SLC11A2: variants seen among roughly 807,000 people sequenced by gnomAD.
SLC11A2 encodes the protein solute carrier family 11 member 2.
In SLC11A2, 38 loss-of-function variants were observed where a neutral mutation model predicts 68.0. The observed-to-expected ratio is 0.56, with a 90% CI of 0.43 to 0.73. SLC11A2 has a LOEUF of 0.73. Among genes scored for constraint, SLC11A2 ranks in the 30% least tolerant of loss-of-function variants. SLC11A2 has a pLI of 0.00. For synonymous variants in SLC11A2, 242 were observed against 250.6 expected (o/e 0.97, Z 0.32); for missense variants, 517 against 690.5 (o/e 0.75, Z 2.82).
chr12:50,988,793 G>T (rs1272618030), intron 15 of SLC11A2, among the ~76,000 whole-genome samples: 1 of 151,994 alleles, frequency 6.6e-6, no homozygotes, highest in Non-Finnish European at 1.5e-5. Flanking sequence ...GCTCACTGAA[G>T]CCTCGAATTC....
At position 51,001,708 on chromosome 12, in the gene SLC11A2, C is replaced by A. The variant is rs141096620; in HGVS notation, c.430-1289G>T. On this transcript the variant is annotated intron_variant, in intron 5 of 15. Coordinates refer to ENST00000262052, the MANE Select transcript of SLC11A2 (RefSeq NM_000617.3). ...AAGTATCCAGGCATGATGGCATACA[C>A]CTGTAGTCCCAACTACTTGGGAGGC... Among the ~76,000 whole-genome samples the A allele has an allele frequency of 2.8e-3, 419 of 151,700 alleles. 1 individual carries two copies. The highest frequency in any genetic ancestry group is 9.5e-3 in the African/African-American group (391 of 41,346).
intron 5 of SLC11A2, 77 bp downstream of exon 5, chr12:51,004,711 T>C (rs1942569055): frequency 6.5e-7 from 1 of 1,547,652 alleles, no homozygotes. Context: ...CACTATAGAA[T>C]GAGGCCAGCA....
chr12:50,963,059 GGAAAGGAATTAGAAAA>G, the SLC11A2 span, among the ~76,000 whole-genome samples: 19 of 152,072 alleles, frequency 1.2e-4, no homozygotes, highest in South Asian at 8.3e-4. Context: ...AAGTGAGCCG[GGAAAGGAATTAGAAAA>G]GAAAGGAAAG....
At position 51,000,412 on chromosome 12, in the gene SLC11A2, C is replaced by T. The variant is rs769542192; in HGVS notation, c.437G>A (p.Arg146Gln). The T allele has an allele frequency of 4.3e-6, 7 of 1,611,784 alleles. No individual in the cohort carries two copies. Among genetic ancestry groups the T allele is most frequent in the Admixed American group, 1.7e-5 (1 of 60,002 alleles). Residue 146 changes from arginine to glutamine, a missense_variant, in exon 6 of 16, where the codon CGA (arginine) becomes CAA (glutamine). Coordinates refer to ENST00000262052, the MANE Select transcript of SLC11A2 (RefSeq NM_000617.3). ...CTCCACCATCAGCCACAGGATGACT[C>T]GTGGGACCTAAACATCAAACAGTAG... The part of the protein sequence containing the change: ...VCHRQYPKVP[R>Q]VILWLMVELA...
chr12:51,010,087 G>A (rs422637), intron 2 of SLC11A2, among the ~76,000 whole-genome samples: 105,155 of 151,400 alleles, frequency 0.69, 37,684 homozygotes, highest in East Asian at 0.87. Context: ...GTGATGCTGA[G>A]GCAGGAGAAT....
the SLC11A2 span, among the ~76,000 whole-genome samples, chr12:50,965,876 A>T: frequency 2.6e-5 from 4 of 152,176 alleles, no homozygotes; most frequent in African/African-American, 9.7e-5. Context: ...CTCCCTCTTC[A>T]TTCAAGGGAT....
intron 5 of SLC11A2, 164 bp from the exon 6 acceptor site, chr12:51,000,583 C>A (rs930324236): frequency 3.1e-6 from 2 of 651,262 alleles, no homozygotes; most frequent in South Asian, 1.8e-5. Context: ...CCGATCACTG[C>A]ACTGTGGCTC....
At position 50,990,941 on chromosome 12, in the gene SLC11A2, GCCAGCC is replaced by G; in HGVS notation, c.1423_1428del (p.Gly475_Trp476del). 1 of 1,611,508 alleles carries G rather than the reference GCCAGCC, an allele frequency of 6.2e-7. No individual in the cohort carries two copies. Among genetic ancestry groups the G allele is most frequent in the Non-Finnish European group, 8.5e-7 (1 of 1,179,370 alleles). ...AGGACCAAGATTCCTCCTGCAATCCGCCAGCCTCTGTAAAAGAAATCAGCACAGTCA... is the reference window on the plus strand; with the variant it reads ...AGGACCAAGATTCCTCCTGCAATCCGTCTGTAAAAGAAATCAGCACAGTCA... On this transcript the variant is annotated inframe_deletion and splice_region_variant, in exon 15 of 16. Coordinates refer to ENST00000262052, the MANE Select transcript of SLC11A2 (RefSeq NM_000617.3).
At chr12:51,000,190 T>G in intron 6 of SLC11A2, 123 bp downstream of exon 6, 1 of 743,550 alleles carries the variant, frequency 1.3e-6, no homozygotes, top group African/African-American at 1.7e-5. Flanking sequence ...TCCAGAAAGG[T>G]TCCACAGAAG....
At chr12:51,015,872 T>C (rs555847694) in intron 1 of SLC11A2, among the ~76,000 whole-genome samples, 1 of 152,288 alleles carries the variant, frequency 6.6e-6, no homozygotes, top group East Asian at 1.9e-4. Flanking sequence ...TTAAATGTAA[T>C]ATGACTATTT....
chr12:51,025,990 CG>C, intron 1 of SLC11A2: 1 of 1,022,828 alleles, frequency 9.8e-7, no homozygotes, highest in Non-Finnish European at 1.2e-6. Flanking sequence ...CGACACAGGC[CG>C]GGCGCGCCAT....
downstream of SLC11A2, among the ~76,000 whole-genome samples, chr12:50,983,498 C>A (rs950293182): frequency 6.6e-6 from 1 of 152,118 alleles, no homozygotes; most frequent in Non-Finnish European, 1.5e-5. Flanking sequence ...ACTTTTGGAG[C>A]CTTATTCTAC....
At chr12:51,012,894 C>A (rs1438427702) in intron 1 of SLC11A2, among the ~76,000 whole-genome samples, 3 of 152,180 alleles carry the variant, frequency 2.0e-5, no homozygotes, top group Non-Finnish European at 4.4e-5. Context: ...GACAATAGCA[C>A]CTCACCTAAA....
chr12:50,983,151 T>G (rs1940214423), downstream of SLC11A2, among the ~76,000 whole-genome samples: 1 of 152,166 alleles, frequency 6.6e-6, no homozygotes, highest in Admixed American at 6.5e-5. Flanking sequence ...GCCTCCCAAG[T>G]AGCTAGGACT....
chr12:51,021,567 C>T (rs888605936), intron 1 of SLC11A2, among the ~76,000 whole-genome samples: 1 of 151,136 alleles, frequency 6.6e-6, no homozygotes, highest in Non-Finnish European at 1.5e-5. Flanking sequence ...GCAGAGGTTG[C>T]GGTGAGCTGA....
In SLC11A2 at chr12:51,005,345, G is replaced by C. The variant is rs1310611142; in HGVS notation, c.275C>G (p.Ser92Cys). 3.7e-6 allele frequency: 6 copies of C among 1,614,004 alleles called. No individual in the cohort carries two copies. The highest frequency in any genetic ancestry group is 5.1e-6 in the Non-Finnish European group (6 of 1,179,928). The change falls in exon 4 of 16, where the codon TCC becomes TGC. Residue 92 changes from serine to cysteine, a missense_variant. Transcript: ENST00000262052. ...IAYLDPGNIE[S>C]DLQSGAVAGF... ...AGCCACTGCTCCAGACTGCAAATCG[G>C]ATTCAATATTTCCTGGATCCAGGTA...
chr12:50,966,733 G>A, the SLC11A2 span, among the ~76,000 whole-genome samples: 244 of 152,294 alleles, frequency 1.6e-3, 1 homozygote, highest in African/African-American at 5.6e-3. Context: ...AAATTTAAGT[G>A]TTCAAAGACC....
chr12:50,986,658 C>T lies in SLC11A2; in HGVS notation c.*1667G>A. Reference sequence around the variant, plus strand: ...AGTCCCCAATATCTTCACAGAGTGCCTTTATGACCAGTTTGGAGAATTACG... The same window carrying T: ...AGTCCCCAATATCTTCACAGAGTGCTTTTATGACCAGTTTGGAGAATTACG... On this transcript the variant is annotated 3_prime_UTR_variant, in exon 16 of 16. Transcript: ENST00000262052. 1 of 1,286,600 alleles carries T rather than the reference C, an allele frequency of 7.8e-7. No homozygotes were observed. Among genetic ancestry groups the T allele is most frequent in the Non-Finnish European group, 1.0e-6 (1 of 988,338 alleles). 79.7% of individuals were successfully genotyped at this position (1,286,600 alleles called of 1,614,324 possible). A position where few individuals can be genotyped will look rare whatever the true frequency, so the allele number is the denominator to read the frequency against.
At chr12:51,006,126 CCT>C (rs761921064) in intron 3 of SLC11A2, 1 of 172,442 alleles carries the variant, frequency 5.8e-6, no homozygotes, top group Non-Finnish European at 1.3e-5. Flanking sequence ...GTAGAGAAAC[CCT>C]GTCTCTACTA....
Sources: gnomAD v4.1 joint callset for allele counts (sites outside exome capture counted in the v4.1 genomes callset) on GRCh38, gnomAD v4.1.1 for gene constraint, MANE v1.5 for transcripts, NCBI Gene and HGNC (gene_info 2026-07-23, HGNC 2026-07-21) for gene names.